The following SASH1 variants were observed in gnomAD, a reference collection of about 807,000 sequenced individuals.
The protein encoded by SASH1 is SAM and SH3 domain-containing protein 1.
SASH1 carries 44 observed loss-of-function variants against 125.2 expected under a neutral mutation model. The observed-to-expected ratio is 0.35, with a 90% confidence interval of 0.28 to 0.45. The LOEUF is 0.45. SASH1 is among the 20% of genes least tolerant of loss of function. SASH1 has a pLI of 1.00. For synonymous variants in SASH1, 639 were observed against 649.1 expected, an observed-to-expected ratio of 0.98 and a Z score of 0.24; for missense variants, 1,426 against 1,614.5, an observed-to-expected ratio of 0.88 and a Z score of 2.00.
upstream of SASH1, among the ~76,000 whole-genome samples, chr6:148,272,042 A>G (rs1779074762): frequency 5.3e-5 from 8 of 152,240 alleles, no homozygotes; most frequent in South Asian, 1.7e-3. Flanking sequence ...TCTGAGGGGT[A>G]TTTGCAAGCT....
chr6:148,254,056 A>C, the SASH1 span, among the ~76,000 whole-genome samples: 1 of 151,874 alleles, frequency 6.6e-6, no homozygotes, highest in Non-Finnish European at 1.5e-5. Context: ...AAATACAAAA[A>C]TTAACTGGGC....
At chr6:148,209,838 T>C in the SASH1 span, among the ~76,000 whole-genome samples, 3 of 152,292 alleles carry the variant, frequency 2.0e-5, no homozygotes, top group African/African-American at 7.2e-5. Flanking sequence ...ATTCTAGTCA[T>C]AGTGATCACT....
At chr6:148,469,861 A>G (rs1016384158) in intron 5 of SASH1, among the ~76,000 whole-genome samples, 6 of 152,130 alleles carry the variant, frequency 3.9e-5, no homozygotes, top group Non-Finnish European at 8.8e-5. Context: ...CCTCATCTCT[A>G]CTAAGAATAC....
intron 10 of SASH1, among the ~76,000 whole-genome samples, chr6:148,521,408 G>C (rs1022539989): frequency 1.3e-5 from 2 of 152,218 alleles, no homozygotes; most frequent in African/African-American, 4.8e-5. Context: ...AATTCATTCA[G>C]TCGGGTTCTG....
intron 8 of SASH1, among the ~76,000 whole-genome samples, chr6:148,491,885 C>T (rs561797667): frequency 6.6e-6 from 1 of 152,294 alleles, no homozygotes; most frequent in South Asian, 2.1e-4. Flanking sequence ...ATCAAAAGAG[C>T]CGTGTCCATG....
chr6:148,385,959 G>A (rs1407781576), intron 1 of SASH1, among the ~76,000 whole-genome samples: 1 of 152,304 alleles, frequency 6.6e-6, no homozygotes, highest in Non-Finnish European at 1.5e-5. Context: ...GGGGGTCGTG[G>A]GAACCCTAAT....
At chr6:148,491,686 A>G (rs1349772279) in intron 8 of SASH1, among the ~76,000 whole-genome samples, 1 of 152,208 alleles carries the variant, frequency 6.6e-6, no homozygotes, top group African/African-American at 2.4e-5. Context: ...AGAAATAAAT[A>G]TAATCCTCCC....
At chr6:148,271,045 G>C (rs1349148460), upstream of SASH1, among the ~76,000 whole-genome samples, 2 of 152,032 alleles carry the variant, frequency 1.3e-5, no homozygotes, top group South Asian at 2.1e-4. Context: ...AAGTAGCTGG[G>C]ATTACAGGCG....
rs1041052406 is a variant in SASH1 at position 148,390,744 on chromosome 6, C to T, written c.285+482C>T. Among the ~76,000 whole-genome samples the T allele has an allele frequency of 5.3e-5, 8 of 151,180 alleles. 1 individual carries two copies. The East Asian group carries it at 9.7e-4, about 18-fold the overall frequency. On this transcript the variant is annotated intron_variant, in intron 2 of 19. Transcript: ENST00000367467. ...CAGAGCTTGCAGTGAGCCAAGATCA[C>T]GCCACTGCACTCCAGCCTGGGCGAC...
At chr6:148,377,201 AAAAACAAAAC>A (rs1562363228) in intron 1 of SASH1, among the ~76,000 whole-genome samples, 15 of 83,028 alleles carry the variant, frequency 1.8e-4, no homozygotes, top group African/African-American at 4.9e-4. Flanking sequence ...AAAACAAAAA[AAAAACAAAAC>A]AAACAAACAA....
At chr6:148,268,019 C>T (rs1005440454), upstream of SASH1, among the ~76,000 whole-genome samples, 1 of 152,218 alleles carries the variant, frequency 6.6e-6, no homozygotes, top group Non-Finnish European at 1.5e-5. Flanking sequence ...TAACCCACTA[C>T]ATGAACAATA....
intron 1 of SASH1, among the ~76,000 whole-genome samples, chr6:148,279,755 G>A (rs929454407): frequency 2.0e-5 from 3 of 152,036 alleles, no homozygotes; most frequent in African/African-American, 7.2e-5. Context: ...AGCACTTTGG[G>A]AGGCTGAGGT....
Position 148,532,993 on chromosome 6 carries a change from G to C in SASH1, c.1734+27G>C, listed in dbSNP as rs1781614678. 1 of 1,608,924 alleles carries C rather than the reference G, an allele frequency of 6.2e-7. No individual in the cohort carries two copies. Among genetic ancestry groups the C allele is most frequent in the African/African-American group, 1.3e-5 (1 of 74,804 alleles). ...TATCTCTCTCCCTGGCCTCAGAGCA[G>C]CTAACTGGGCTCTTCCATTTCTCTA... On this transcript the variant is annotated intron_variant, in intron 14 of 19. Coordinates refer to ENST00000367467, the MANE Select transcript of SASH1 (RefSeq NM_015278.5). The surrounding 1 kb of genome is among the most constrained non-coding windows in gnomAD (Gnocchi z 4.7).
At chr6:148,286,294 G>A (rs371149480) in intron 1 of SASH1, among the ~76,000 whole-genome samples, 6 of 152,072 alleles carry the variant, frequency 3.9e-5, no homozygotes, top group East Asian at 3.9e-4. Context: ...CCAGCTACTC[G>A]GGAGGCAGAG....
chr6:148,356,570 A>G (rs886754612), intron 1 of SASH1, among the ~76,000 whole-genome samples: 29 of 137,930 alleles, frequency 2.1e-4, no homozygotes, highest in African/African-American at 7.5e-4. Context: ...CCTGGGTTCA[A>G]GCGATTCTCC....
chr6:148,337,210 C>T (rs1047658738), intron 1 of SASH1, among the ~76,000 whole-genome samples: 3 of 150,480 alleles, frequency 2.0e-5, no homozygotes, highest in African/African-American at 7.4e-5. Context: ...GTGCCCACCA[C>T]TACATCCAGC....
intron 2 of SASH1, among the ~76,000 whole-genome samples, chr6:148,432,721 G>C (rs2114981718): frequency 6.6e-6 from 1 of 152,340 alleles, no homozygotes; most frequent in Middle Eastern, 3.4e-3. Flanking sequence ...CATTTGGCTT[G>C]CAGCCTTGGC....
intron 2 of SASH1, among the ~76,000 whole-genome samples, chr6:148,414,650 G>A (rs1401035624): frequency 6.6e-6 from 1 of 152,136 alleles, no homozygotes. Context: ...CTCTTGTGGA[G>A]CTTACATTCT....
At chr6:148,463,928 G>A (rs902985329) in intron 4 of SASH1, among the ~76,000 whole-genome samples, 3 of 152,132 alleles carry the variant, frequency 2.0e-5, no homozygotes, top group Non-Finnish European at 2.9e-5. Context: ...TCTTGAATCT[G>A]TCTTGTTTAT....
Sources: allele counts gnomAD v4.1 joint callset (sites outside exome capture counted in the v4.1 genomes callset), GRCh38; gene constraint gnomAD v4.1.1; non-coding constraint Gnocchi (gnomAD v3.1); transcripts MANE v1.5; gene names NCBI Gene and HGNC (gene_info 2026-07-23, HGNC 2026-07-21).